Variants in PEX5L observed in about 807,000 individuals in gnomAD.
PEX5L encodes peroxisomal biogenesis factor 5 like.
Under a neutral mutation model 84.0 loss-of-function variants are expected in PEX5L, and 30 were observed. That is an observed-to-expected ratio of 0.36 (90% confidence interval 0.27 to 0.48). PEX5L has a LOEUF of 0.48. Ranked by LOEUF, PEX5L falls within the 20% of genes least tolerant of loss-of-function variation. The pLI is 0.99. For synonymous variants in PEX5L, 270 were observed against 283.1 expected (o/e 0.95, Z 0.46); for missense variants, 533 against 754.6 (o/e 0.71, Z 3.44).
intron 8 of PEX5L, among the ~76,000 whole-genome samples, chr3:179,822,385 A>C (rs909140395): frequency 6.6e-6 from 1 of 152,216 alleles, no homozygotes; most frequent in Non-Finnish European, 1.5e-5. Context: ...CTGCTTTGGA[A>C]AACTGAGAGA....
intron 2 of PEX5L, among the ~76,000 whole-genome samples, chr3:179,933,601 G>C (rs1773723914): frequency 6.6e-6 from 1 of 152,202 alleles, no homozygotes; most frequent in South Asian, 2.1e-4. Flanking sequence ...AATTTTAACT[G>C]TTCTGGGTAG....
chr3:179,973,723 T>TCTCAA, intron 1 of PEX5L: 1 of 985,370 alleles, frequency 1.0e-6, no homozygotes, highest in Non-Finnish European at 1.2e-6. Flanking sequence ...GCCTCTCCAA[T>TCTCAA]CTCAACTCCT....
chr3:180,025,785 T>C (rs377119129), intron 1 of PEX5L, among the ~76,000 whole-genome samples: 25 of 152,358 alleles, frequency 1.6e-4, no homozygotes, highest in East Asian at 1.5e-3. Flanking sequence ...ATTCCACAGA[T>C]AGTATGTTAA....
intron 1 of PEX5L, among the ~76,000 whole-genome samples, chr3:179,992,458 T>C (rs1043349667): frequency 6.5e-4 from 99 of 152,214 alleles, no homozygotes; most frequent in African/African-American, 2.3e-3. Context: ...CAAAGCTTCA[T>C]TTTAGCGGTT....
chr3:179,892,303 C>G (rs1455843913), intron 3 of PEX5L, among the ~76,000 whole-genome samples: 1 of 152,114 alleles, frequency 6.6e-6, no homozygotes, highest in East Asian at 1.9e-4. Context: ...CTTTCAGGAT[C>G]CCATTCAACT....
At chr3:179,929,844 C>T (rs1356964913) in intron 2 of PEX5L, among the ~76,000 whole-genome samples, 1 of 152,194 alleles carries the variant, frequency 6.6e-6, no homozygotes, top group African/African-American at 2.4e-5. Context: ...CGGTGACCTG[C>T]GTAGACCTAT....
chr3:179,839,449 T>C (rs925490531), intron 8 of PEX5L, among the ~76,000 whole-genome samples: 12 of 152,306 alleles, frequency 7.9e-5, no homozygotes, highest in African/African-American at 2.9e-4. Flanking sequence ...ATAATAAACA[T>C]TGTCACTTGG....
intron 5 of PEX5L, among the ~76,000 whole-genome samples, chr3:179,877,259 A>G (rs1752724377): frequency 6.6e-6 from 1 of 152,192 alleles, no homozygotes. Context: ...CATTGTCTGT[A>G]TATACCACAT....
intron 2 of PEX5L, among the ~76,000 whole-genome samples, chr3:179,943,188 T>TTA (rs749870125): frequency 7.2e-5 from 11 of 152,252 alleles, no homozygotes; most frequent in Non-Finnish European, 1.3e-4. Context: ...TGCTCTGGAT[T>TTA]TCAAGCAAGC....
At chr3:179,898,085 A>G (rs1353911897) in intron 3 of PEX5L, 57 bp downstream of exon 3, 1 of 977,572 alleles carries the variant, frequency 1.0e-6, no homozygotes, top group Non-Finnish European at 1.5e-6. Flanking sequence ...AAAAATCACA[A>G]TGTCTGATAT....
chr3:179,856,063 C>T (rs575956933), intron 8 of PEX5L, among the ~76,000 whole-genome samples: 1 of 152,310 alleles, frequency 6.6e-6, no homozygotes, highest in East Asian at 1.9e-4. Context: ...TGCTAGTTGA[C>T]TTTCAGTCTA....
rs547665798 is a variant in PEX5L at position 179,810,854 on chromosome 3, C to T, written c.1154+947G>A. On this transcript the variant is annotated intron_variant, in intron 11 of 14. Transcript: ENST00000467460. ...TTGGGCATTATTTTTCCCCTCCAAACGATTCTAATGTGCATGTGTATACAG... is the reference window on the plus strand; with the variant it reads ...TTGGGCATTATTTTTCCCCTCCAAATGATTCTAATGTGCATGTGTATACAG... 1.9e-4 allele frequency among the ~76,000 whole-genome samples: 29 copies of T among 152,210 alleles called. No individual in the cohort carries two copies. In the South Asian group the frequency reaches 2.9e-3, roughly 15 times the overall value.
At chr3:180,005,421 T>C (rs1228877773) in intron 1 of PEX5L, among the ~76,000 whole-genome samples, 1 of 152,144 alleles carries the variant, frequency 6.6e-6, no homozygotes, top group East Asian at 1.9e-4. Flanking sequence ...CCAACACACC[T>C]GGCTAATTAA....
chr3:179,900,624 C>G (rs897268620), intron 2 of PEX5L: 1 of 1,282,550 alleles, frequency 7.8e-7, no homozygotes, highest in Admixed American at 2.0e-5. Flanking sequence ...AAAGGATGTA[C>G]AATAAATACA....
rs1791950860 is a variant in PEX5L, at chr3:180,036,846, C to G, written c.-247G>C. Reference sequence around the variant, plus strand: ...AGAGCGCGCAGAGAAGGCGAGGAGCCGGGTCGGCCAGGCTCTCCTGCAGGC... The same window carrying G: ...AGAGCGCGCAGAGAAGGCGAGGAGCGGGGTCGGCCAGGCTCTCCTGCAGGC... On this transcript the variant is annotated 5_prime_UTR_variant, in exon 1 of 15. Transcript: ENST00000467460. 1.8e-6 allele frequency: 1 copy of G among 558,502 alleles called. No individual in the cohort carries two copies. The highest frequency in any genetic ancestry group is 3.2e-6 in the Non-Finnish European group (1 of 308,944). The allele number at this position is 558,502 out of a possible 1,614,324, so 34.6% of individuals were successfully genotyped here. A position where few individuals can be genotyped will look rare whatever the true frequency, so the allele number is the denominator to read the frequency against.
intron 10 of PEX5L, among the ~76,000 whole-genome samples, chr3:179,814,669 A>G (rs1725339111): frequency 6.6e-6 from 1 of 152,204 alleles, no homozygotes; most frequent in South Asian, 2.1e-4. Context: ...TTAGGAATCT[A>G]GGGGATTAGG....
chr3:179,980,979 G>C lies in PEX5L; in HGVS notation c.22-9314C>G, dbSNP rs1217771363. On this transcript the variant is annotated intron_variant, in intron 1 of 14. Coordinates refer to ENST00000467460, the MANE Select transcript of PEX5L (RefSeq NM_016559.3). ...GCGGAGGTTGCAGTGAGCCGAGATT[G>C]TACCACTGTACTCTAGTCTGGGTGA... 6.0e-5 allele frequency among the ~76,000 whole-genome samples: 9 copies of C among 149,418 alleles called. No homozygotes were observed. The East Asian group carries it at 1.6e-3, about 26-fold the overall frequency.
chr3:180,025,719 C>T (rs1290458847), intron 1 of PEX5L, among the ~76,000 whole-genome samples: 1 of 152,156 alleles, frequency 6.6e-6, no homozygotes, highest in African/African-American at 2.4e-5. Context: ...GAAAAGTAAG[C>T]ATCTGCCACT....
At chr3:179,874,726 GT>G (rs869167224) in intron 6 of PEX5L, among the ~76,000 whole-genome samples, 4 of 45,200 alleles carry the variant, frequency 8.8e-5, no homozygotes, top group African/African-American at 2.1e-4. Flanking sequence ...AAAAATTATG[GT>G]TTTTTTTTTT....
Sources: allele counts gnomAD v4.1 joint callset (sites outside exome capture counted in the v4.1 genomes callset), GRCh38; gene constraint gnomAD v4.1.1; transcripts MANE v1.5; gene names NCBI Gene and HGNC (gene_info 2026-07-23, HGNC 2026-07-21).